Variants in RASEF observed in about 807,000 individuals in gnomAD.
The protein encoded by RASEF is RAS and EF-hand domain containing, also known as ras and EF-hand domain-containing protein.
A neutral mutation model predicts 90.1 loss-of-function variants in RASEF; 68 were observed. The observed-to-expected ratio is 0.75, with a 90% CI of 0.62 to 0.92. The LOEUF is 0.92. RASEF is among the 40% of genes least tolerant of loss of function. The pLI is 0.00. For missense variants in RASEF, 949 were observed against 937.2 expected, an observed-to-expected ratio of 1.01 and a Z score of -0.16; for synonymous variants, 331 against 345.2, an observed-to-expected ratio of 0.96 and a Z score of 0.46.
At chr9:83,204,492 C>T in the RASEF span, among the ~76,000 whole-genome samples, 3 of 152,284 alleles carry the variant, frequency 2.0e-5, no homozygotes, top group South Asian at 6.2e-4. Flanking sequence ...TTGCTAAACT[C>T]ATCACTGGAG....
At chr9:83,090,629 CTTA>C in the RASEF span, among the ~76,000 whole-genome samples, 2 of 152,100 alleles carry the variant, frequency 1.3e-5, no homozygotes, top group African/African-American at 4.8e-5. Flanking sequence ...GTCTTGAACT[CTTA>C]ACCTCAGGTG....
At chr9:83,085,666 C>T in the RASEF span, among the ~76,000 whole-genome samples, 1 of 152,014 alleles carries the variant, frequency 6.6e-6, no homozygotes. Context: ...TGGCTCACAC[C>T]TATAATCCCA....
chr9:83,096,383 A>G, the RASEF span, among the ~76,000 whole-genome samples: 1 of 152,170 alleles, frequency 6.6e-6, no homozygotes, highest in Admixed American at 6.5e-5. Context: ...GATAATATAA[A>G]CAAGACTTCT....
At chr9:83,083,261 G>C in the RASEF span, among the ~76,000 whole-genome samples, 17 of 152,174 alleles carry the variant, frequency 1.1e-4, no homozygotes, top group South Asian at 2.1e-4. Context: ...GAACACACCT[G>C]ATCTCATCCA....
chr9:83,193,102 C>T, the RASEF span, among the ~76,000 whole-genome samples: 1 of 152,208 alleles, frequency 6.6e-6, no homozygotes, highest in South Asian at 2.1e-4. Context: ...GAATGAAGCG[C>T]AACAAGACTA....
At chr9:83,188,815 T>G in the RASEF span, among the ~76,000 whole-genome samples, 1 of 152,128 alleles carries the variant, frequency 6.6e-6, no homozygotes, top group Admixed American at 6.5e-5. Context: ...ACCCCTTGAG[T>G]TCACTACTCT....
At chr9:83,200,928 A>T in the RASEF span, 3 of 152,248 alleles carry the variant, frequency 2.0e-5, no homozygotes, top group Non-Finnish European at 4.4e-5. Context: ...ACTCCAGAGC[A>T]TCTCCCTTCT....
At chr9:83,062,153 G>T (rs1259680578) in intron 1 of RASEF, among the ~76,000 whole-genome samples, 1 of 152,168 alleles carries the variant, frequency 6.6e-6, no homozygotes, top group Admixed American at 6.5e-5. Context: ...CGCGCGGGGC[G>T]CCAGCAGCTG....
rs59621078 is a variant in RASEF at position 83,029,559 on chromosome 9, A to AT, written c.432-3639dup. Among the ~76,000 whole-genome samples, 458 of 130,350 alleles carry AT rather than the reference A, an allele frequency of 3.5e-3. 1 individual carries two copies. Among genetic ancestry groups the AT allele is most frequent in the Middle Eastern group, 0.016 (4 of 256 alleles). The allele number at this position is 130,350 out of a possible 152,430, so 85.5% of individuals were successfully genotyped here. ...AGGAGCCCACCACCACACCAAACTA[A>AT]TTTTTTTTTTTTTTTTTTGTATTTT... On this transcript the variant is annotated intron_variant, in intron 1 of 16. Transcript: ENST00000376447.
At chr9:83,165,934 GAC>G in the RASEF span, among the ~76,000 whole-genome samples, 1 of 152,064 alleles carries the variant, frequency 6.6e-6, no homozygotes, top group East Asian at 1.9e-4. Flanking sequence ...TTCCTTGAAA[GAC>G]ACAATCTGTC....
At chr9:83,091,097 T>C in the RASEF span, among the ~76,000 whole-genome samples, 1 of 152,152 alleles carries the variant, frequency 6.6e-6, no homozygotes, top group East Asian at 1.9e-4. Flanking sequence ...GCCAGGTGGT[T>C]TTTAACTCTG....
the RASEF span, among the ~76,000 whole-genome samples, chr9:83,208,556 G>A: frequency 1.3e-5 from 2 of 152,080 alleles, no homozygotes; most frequent in Non-Finnish European, 2.9e-5. Flanking sequence ...ATCCTCACTG[G>A]AGTTCTGAAT....
At chr9:83,076,468 A>G in the RASEF span, among the ~76,000 whole-genome samples, 1 of 152,120 alleles carries the variant, frequency 6.6e-6, no homozygotes, top group Admixed American at 6.5e-5. Context: ...AAAATGAGGT[A>G]GAAGACAGAT....
the RASEF span, among the ~76,000 whole-genome samples, chr9:83,190,897 G>T: frequency 2.0e-5 from 3 of 152,156 alleles, no homozygotes; most frequent in African/African-American, 7.2e-5. Flanking sequence ...ATTACCAAGT[G>T]ACTTTCCTTC....
chr9:83,087,405 T>TTCTCTCTCTCTCAC, the RASEF span, among the ~76,000 whole-genome samples: 3 of 115,532 alleles, frequency 2.6e-5, no homozygotes, highest in Admixed American at 8.7e-5. Flanking sequence ...TTCTCATTCA[T>TTCTCTCTCTCTCAC]TCTCTCTCTC....
chr9:83,043,521 T>G (rs566749319), intron 1 of RASEF, among the ~76,000 whole-genome samples: 62 of 152,326 alleles, frequency 4.1e-4, no homozygotes, highest in Non-Finnish European at 7.1e-4. Flanking sequence ...TCTGTGTGCT[T>G]TTTTTGCATG....
intron 1 of RASEF, chr9:83,048,792 T>A: frequency 1.0e-6 from 1 of 969,356 alleles, no homozygotes; most frequent in South Asian, 4.8e-5. Flanking sequence ...TCAAGTCCCA[T>A]TAGAATATTT....
chr9:83,062,379 G>T, intron 1 of RASEF, 58 bp downstream of exon 1: 1 of 1,563,482 alleles, frequency 6.4e-7, no homozygotes. Flanking sequence ...GCAAGTAAGT[G>T]GGAAGAAGCA....
intron 6 of RASEF, among the ~76,000 whole-genome samples, 166 bp downstream of exon 6, chr9:83,009,475 C>T (rs1016487416): frequency 2.6e-5 from 4 of 152,076 alleles, no homozygotes; most frequent in Non-Finnish European, 4.4e-5. Context: ...AAATTAAAAA[C>T]ATAAAAAACA....
Sources: allele counts gnomAD v4.1 joint callset (sites outside exome capture counted in the v4.1 genomes callset), GRCh38; gene constraint gnomAD v4.1.1; transcripts MANE v1.5; gene names NCBI Gene and HGNC (gene_info 2026-07-23, HGNC 2026-07-21).